The following SYNE2 variants were observed in gnomAD, a reference collection of about 807,000 sequenced individuals.
SYNE2 encodes the protein spectrin repeat containing nuclear envelope protein 2.
Under a neutral mutation model 856.3 loss-of-function variants are expected in SYNE2, and 431 were observed. The ratio of observed to expected loss-of-function variants is 0.50; its 90% CI spans 0.47 to 0.55. The LOEUF is 0.55. Among genes scored for constraint, SYNE2 ranks in the 20% least tolerant of loss-of-function variants. SYNE2 has a pLI of 0.00. For missense variants in SYNE2, 8,129 were observed against 8,023.2 expected (o/e 1.01, Z -0.50); for synonymous variants, 2,923 against 2,872.3 (o/e 1.02, Z -0.56).
Position 64,074,125 on chromosome 14 carries a change from G to A in SYNE2, c.10855G>A (p.Glu3619Lys), listed in dbSNP as rs1273963269. The part of the protein sequence containing the change: ...MAFQDHPEKS[E>K]QFEELQSILK... ...ATTCCAGGATCACCCAGAAAAGTCA[G>A]AACAATTTGAGGTAAGTGAGGAATG... The change falls in exon 53 of 116, where the codon GAA (glutamate) becomes AAA (lysine). Residue 3619 changes from glutamate to lysine, a missense_variant. Physicochemically the swap from Glu to Lys is moderately conservative, Grantham distance 56. This residue lies in a region of SYNE2 where 5,410 missense variants were observed against 5,284.8 expected (regional missense o/e 1.02). Transcript: ENST00000555002. 2 of 1,614,114 alleles carry A rather than the reference G, an allele frequency of 1.2e-6. No individual in the cohort carries two copies. Among genetic ancestry groups the A allele is most frequent in the Non-Finnish European group, 1.7e-6 (2 of 1,179,996 alleles).
chr14:64,116,123 A>T (rs892394355), intron 66 of SYNE2, among the ~76,000 whole-genome samples: 1 of 141,262 alleles, frequency 7.1e-6, no homozygotes. Flanking sequence ...GTGAGCTATG[A>T]TTGCACCACT....
rs1437225295 is a variant in SYNE2 at position 63,950,020 on chromosome 14, T to C, written c.590+14T>C. ...ACAATGCGCCACGTAAGTAGTTTGC[T>C]ATGACCCTAAGAGACACACAGGGCA... On this transcript the variant is annotated intron_variant, in intron 7 of 115. Transcript: ENST00000555002. 6.2e-6 allele frequency: 10 copies of C among 1,613,712 alleles called. No homozygotes were observed. Among genetic ancestry groups the C allele is most frequent in the South Asian group, 5.5e-5 (5 of 91,072 alleles).
chr14:64,050,124 C>A (rs781394941), intron 47 of SYNE2, among the ~76,000 whole-genome samples: 1 of 152,124 alleles, frequency 6.6e-6, no homozygotes, highest in Non-Finnish European at 1.5e-5. Context: ...AGTCCAAGAT[C>A]AAGGCAGCAG....
At chr14:63,818,344 C>G (rs1290880405) in intron 1 of SYNE2, among the ~76,000 whole-genome samples, 1 of 86,564 alleles carries the variant, frequency 1.2e-5, no homozygotes, top group Middle Eastern at 5.4e-3. Context: ...GACTCCGTCT[C>G]AAAAAAAAAA....
intron 8 of SYNE2, 90 bp downstream of exon 8, chr14:63,955,005 G>C: frequency 9.2e-7 from 1 of 1,091,312 alleles, no homozygotes. Context: ...TAAACATAGT[G>C]GCACTCTATT....
intron 30 of SYNE2, 103 bp downstream of exon 30, chr14:64,003,433 T>A: frequency 7.1e-7 from 1 of 1,405,606 alleles, no homozygotes; most frequent in Non-Finnish European, 1.0e-6. Context: ...CTGCTTCTAT[T>A]CCATCCCACT....
chr14:63,889,542 C>T (rs563988038), intron 1 of SYNE2, among the ~76,000 whole-genome samples: 1 of 152,158 alleles, frequency 6.6e-6, no homozygotes, highest in African/African-American at 2.4e-5. Flanking sequence ...GTGGCACAAT[C>T]GTAGCTCACT....
chr14:64,109,796 G>A (rs190779960), intron 65 of SYNE2, among the ~76,000 whole-genome samples: 37 of 152,292 alleles, frequency 2.4e-4, no homozygotes, highest in Admixed American at 2.3e-3. Context: ...CATCACTAAT[G>A]AGAAGGAAAG....
At chr14:64,028,199 G>A (rs183848945) in intron 43 of SYNE2, among the ~76,000 whole-genome samples, 3 of 151,972 alleles carry the variant, frequency 2.0e-5, no homozygotes, top group Admixed American at 2.0e-4. Flanking sequence ...GCCACACCTG[G>A]CCTGTTGTTG....
intron 6 of SYNE2, among the ~76,000 whole-genome samples, chr14:63,944,394 A>G (rs1449735695): frequency 6.6e-6 from 1 of 150,760 alleles, no homozygotes; most frequent in African/African-American, 2.4e-5. Context: ...ATTTGTAATT[A>G]TAGGTAATTT....
rs756327978 is a variant in SYNE2, at chr14:64,225,369, G to A, written c.20567G>A (p.Arg6856Gln). 1.5e-5 allele frequency: 24 copies of A among 1,613,878 alleles called. No individual in the cohort carries two copies. The highest frequency in any genetic ancestry group is 5.0e-5 in the Admixed American group (3 of 59,984). ...CGCTCCTTCCTCTCAAGGGTGGTCC[G>A]GGCAGCCCTACCCCTGCAGCTGCTC... The part of the protein sequence containing the change: ...PQRSFLSRVV[R>Q]AALPLQLLLL... The change falls in exon 116 of 116, where the codon CGG (arginine) becomes CAG (glutamine). Residue 6856 changes from arginine to glutamine, a missense_variant. By Grantham distance (43) the Arg-to-Gln change is conservative. Around this residue, in one of 3 missense-constraint regions of SYNE2, gnomAD observed 5,410 missense variants for 5,284.8 expected, o/e 1.02. Coordinates refer to ENST00000555002, the MANE Select transcript of SYNE2 (RefSeq NM_182914.3).
Position 64,186,489 on chromosome 14 carries a change from C to T in SYNE2, c.17622C>T (p.Asp5874=), listed in dbSNP as rs1438020039. ...AAGAACTTCAAACTATGAAGGCGGA[C>T]TTAACCCGGCACGTTCTCGTGGAAG... is the stretch of plus-strand genomic sequence containing the variant. ...NLKELQTMKA[D]LTRHVLVEDV... Residue 5874 remains aspartate (D), a synonymous_variant, in exon 97 of 116, where the codon GAC becomes GAT. Coordinates refer to ENST00000555002, the MANE Select transcript of SYNE2 (RefSeq NM_182914.3). 6.2e-7 allele frequency: 1 copy of T among 1,614,240 alleles called. No homozygotes were observed. Among genetic ancestry groups the T allele is most frequent in the South Asian group, 1.1e-5 (1 of 91,088 alleles).
intron 27 of SYNE2, among the ~76,000 whole-genome samples, chr14:63,999,811 T>C (rs774519943): frequency 1.2e-4 from 18 of 152,326 alleles, no homozygotes; most frequent in Non-Finnish European, 2.1e-4. Flanking sequence ...TTTTATCTTA[T>C]TATACCAGGT....
chr14:64,051,680 T>C lies in SYNE2; in HGVS notation c.7767T>C (p.Thr2589=). 1 of 1,614,210 alleles carries C rather than the reference T, an allele frequency of 6.2e-7. No individual in the cohort carries two copies. ...GGGAGAATTTATCAAACCACGTGAC[T>C]GACATGGATAAGAAATTGTTGGAAA... is the stretch of plus-strand genomic sequence containing the variant. The part of the protein sequence containing the change: ...IKWENLSNHV[T]DMDKKLLESQ... Residue 2589 remains threonine (T), a synonymous_variant, in exon 48 of 116, where the codon ACT becomes ACC. Transcript: ENST00000555002.
intron 99 of SYNE2, among the ~76,000 whole-genome samples, chr14:64,191,868 C>T (rs772296003): frequency 2.6e-5 from 4 of 152,198 alleles, no homozygotes; most frequent in Non-Finnish European, 5.9e-5. Context: ...CACTTATTCA[C>T]TGTGGAAACT....
In SYNE2 at chr14:63,809,444, TTG is replaced by T. The variant is rs1469901955; in HGVS notation, c.-304-43054_-304-43053del. 2.0e-5 allele frequency among the ~76,000 whole-genome samples: 3 copies of T among 152,306 alleles called. No homozygotes were observed. The East Asian group carries it at 5.8e-4, about 29-fold the overall frequency. ...AAATAGATAACCAGGTATTGCCTCA[TTG>T]TGGTCTATGATCCTATAATCAAGTG... On this transcript the variant is annotated intron_variant, in intron 1 of 23. Transcript: ENST00000674003.
chr14:63,807,587 G>T (rs1465594193), intron 1 of SYNE2, among the ~76,000 whole-genome samples: 4 of 151,032 alleles, frequency 2.6e-5, no homozygotes, highest in Admixed American at 1.3e-4. Context: ...CTAGAAATTG[G>T]TTTTTTCTCT....
At chr14:63,948,790 A>ATGTGTGTG in intron 6 of SYNE2, among the ~76,000 whole-genome samples, 3 of 73,990 alleles carry the variant, frequency 4.1e-5, no homozygotes, top group Admixed American at 1.4e-4. Context: ...GTGTATATAT[A>ATGTGTGTG]TATATATATA....
chr14:64,173,902 G>A (rs534141294), intron 94 of SYNE2: 18 of 675,960 alleles, frequency 2.7e-5, no homozygotes, highest in African/African-American at 1.8e-4. Context: ...TTTAAAGAAC[G>A]CCCATGTAGC....
Sources: gnomAD v4.1 joint callset for allele counts (sites outside exome capture counted in the v4.1 genomes callset) on GRCh38, gnomAD v4.1.1 for gene constraint, gnomAD v4.1.1 regional missense constraint, MANE v1.5 for transcripts, NCBI Gene and HGNC (gene_info 2026-07-23, HGNC 2026-07-21) for gene names.